DGKZ: variants seen among roughly 807,000 people sequenced by gnomAD.
DGKZ encodes DAG kinase zeta.
A neutral mutation model predicts 142.5 loss-of-function variants in DGKZ; 45 were observed. That is an observed-to-expected ratio of 0.32 (90% confidence interval 0.25 to 0.40). The LOEUF (loss-of-function observed/expected upper bound fraction) is 0.40, where lower values mean the gene tolerates loss of function less well. Among genes scored for constraint, DGKZ ranks in the 10% least tolerant of loss-of-function variants. The pLI is 1.00. For synonymous variants in DGKZ, 442 were observed against 527.0 expected, an observed-to-expected ratio of 0.84 and a Z score of 2.21; for missense variants, 755 against 1,306.5, an observed-to-expected ratio of 0.58 and a Z score of 6.51.
intron 14 of DGKZ, among the ~76,000 whole-genome samples, 184 bp downstream of exon 14, chr11:46,373,285 G>GGT (rs1944170122): frequency 8.7e-6 from 1 of 115,372 alleles, no homozygotes; most frequent in South Asian, 2.8e-4. Flanking sequence ...TTTTTTTTTT[G>GGT]TTTTTTTTTT....
intron 1 of DGKZ, chr11:46,365,764 A>G (rs575578679): frequency 1.0e-6 from 1 of 985,408 alleles, no homozygotes; most frequent in African/African-American, 1.7e-5. Context: ...GTTGGTGGCA[A>G]AACAAAGGCC....
upstream of DGKZ, chr11:46,345,420 C>CG (rs1940516397): frequency 3.5e-6 from 5 of 1,443,870 alleles, no homozygotes; most frequent in South Asian, 5.7e-5. This position sits in a 1 kb window ranked among gnomAD's most constrained non-coding sequence, Gnocchi z 4.1. Flanking sequence ...ATGAGCGCAC[C>CG]GGGGGCTGGC....
rs773296658 is a variant in DGKZ, at chr11:46,372,688, C to T, written c.1071+11C>T. 7.6e-5 allele frequency: 122 copies of T among 1,612,834 alleles called. No homozygotes were observed. Among genetic ancestry groups the T allele is most frequent in the South Asian group, 2.9e-4 (26 of 91,028 alleles). On this transcript the variant is annotated intron_variant, in intron 12 of 30. Coordinates refer to ENST00000527911, the Ensembl canonical transcript of DGKZ. This position sits in a 1 kb window ranked among gnomAD's most constrained non-coding sequence, Gnocchi z 5.9. ...GGGGGCGACGGCACGGTGAGCTCCCCGCATGGGCCAGCCGAGCACCAGGGC... is the reference window on the plus strand; with the variant it reads ...GGGGGCGACGGCACGGTGAGCTCCCTGCATGGGCCAGCCGAGCACCAGGGC...
chr11:46,371,411 CA>C (rs1473303621), intron 7 of DGKZ, 27 bp downstream of exon 7: 11 of 1,612,142 alleles, frequency 6.8e-6, no homozygotes, highest in African/African-American at 2.7e-5. Flanking sequence ...CCCCCAGGGC[CA>C]GGCCCTGCAC....
Position 46,367,090 on chromosome 11 carries a change from C to T in DGKZ, c.162-201C>T. 1 of 1,383,702 alleles carries T rather than the reference C, an allele frequency of 7.2e-7. No individual in the cohort carries two copies. Among genetic ancestry groups the T allele is most frequent in the East Asian group, 2.5e-5 (1 of 40,058 alleles). The allele number at this position is 1,383,702 out of a possible 1,614,324, so 85.7% of individuals were successfully genotyped here. A position where few individuals can be genotyped will look rare whatever the true frequency, so the allele number is the denominator to read the frequency against. The stretch of plus-strand genomic sequence containing the variant: ...TGGCTGAGGGTTCCCCACTTGGGAA[C>T]ACTCTGGGCAGTACCCTGAAGCCAG... On this transcript the variant is annotated intron_variant, in intron 1 of 30. Transcript: ENST00000527911. The surrounding 1 kb of genome is among the most constrained non-coding windows in gnomAD (Gnocchi z 4.1).
intron 1 of DGKZ, among the ~76,000 whole-genome samples, chr11:46,360,373 A>G (rs1942506174): frequency 6.6e-6 from 1 of 151,934 alleles, no homozygotes; most frequent in African/African-American, 2.4e-5. Context: ...TGGGATCTTC[A>G]CCAATTTTGA....
chr11:46,340,247 G>A (rs1047593006), intron 1 of DGKZ, among the ~76,000 whole-genome samples: 3 of 152,202 alleles, frequency 2.0e-5, no homozygotes, highest in African/African-American at 7.2e-5. Flanking sequence ...ATATCTCTGG[G>A]TGTGGTAATA....
At chr11:46,348,285 G>A (rs1432079989) in intron 1 of DGKZ, among the ~76,000 whole-genome samples, 1 of 152,210 alleles carries the variant, frequency 6.6e-6, no homozygotes, top group African/African-American at 2.4e-5. Flanking sequence ...GTGGGACCAG[G>A]TTGCCTACCA....
rs202186891 is a variant in DGKZ at position 46,378,440 on chromosome 11, G to A, written c.2375-17G>A. ...CAGGCCTCCGACTGCAGAGTAACAGGCAGGTATTCCGTGCAGGTGAAGAGC... is the reference window on the plus strand; with the variant it reads ...CAGGCCTCCGACTGCAGAGTAACAGACAGGTATTCCGTGCAGGTGAAGAGC... On this transcript the variant is annotated splice_polypyrimidine_tract_variant and intron_variant, in intron 26 of 30. Transcript: ENST00000527911. 9 of 1,588,114 alleles carry A rather than the reference G, an allele frequency of 5.7e-6. No individual in the cohort carries two copies. The East Asian group carries it at 2.0e-4, about 36-fold the overall frequency.
At chr11:46,354,710 G>A (rs117547245) in intron 1 of DGKZ, among the ~76,000 whole-genome samples, 73 of 152,278 alleles carry the variant, frequency 4.8e-4, no homozygotes, top group Non-Finnish European at 9.8e-4. Context: ...ATGTTCTTGT[G>A]CCTGTTTTTA....
At chr11:46,339,799 A>G (rs1940187550) in intron 1 of DGKZ, among the ~76,000 whole-genome samples, 1 of 152,230 alleles carries the variant, frequency 6.6e-6, no homozygotes, top group Admixed American at 6.5e-5. Flanking sequence ...TTTTTGCCTC[A>G]GTTGGTGCCT....
At chr11:46,380,105 G>A (rs1945052481) in exon 31 of DGKZ, 4 of 746,246 alleles carry the variant, frequency 5.4e-6, no homozygotes, top group South Asian at 1.9e-5. Context: ...CAGACCTAGG[G>A]CTGGACTCAG....
intron 1 of DGKZ, among the ~76,000 whole-genome samples, chr11:46,351,168 C>G (rs980180664): frequency 6.6e-6 from 1 of 152,154 alleles, no homozygotes; most frequent in African/African-American, 2.4e-5. Context: ...CGCTTATCCT[C>G]TGGCCTGGTC....
At chr11:46,375,572 C>T (rs1944434937) in exon 20 of DGKZ, 4 of 1,591,102 alleles carry the variant, frequency 2.5e-6, no homozygotes, top group African/African-American at 1.3e-5. Context: ...TCGCCCTGCG[C>T]AACCAGGCCA....
intron 1 of DGKZ, among the ~76,000 whole-genome samples, chr11:46,348,514 G>A (rs1331200509): frequency 1.3e-5 from 2 of 151,790 alleles, no homozygotes; most frequent in African/African-American, 4.9e-5. Context: ...CCCTCTTCCA[G>A]CCCATGCTGG....
chr11:46,365,818 G>T (rs1281685868), intron 1 of DGKZ: 1 of 985,288 alleles, frequency 1.0e-6, no homozygotes, highest in African/African-American at 1.7e-5. Flanking sequence ...GTCCATCCAG[G>T]CAGACCGACT....
intron 1 of DGKZ, among the ~76,000 whole-genome samples, chr11:46,360,165 TAA>T (rs1453594774): frequency 4.6e-5 from 7 of 152,184 alleles, no homozygotes; most frequent in Non-Finnish European, 1.0e-4. Flanking sequence ...GGCCAGATGT[TAA>T]AGAGATTTGC....
At chr11:46,358,511 G>A (rs2136431180) in intron 1 of DGKZ, among the ~76,000 whole-genome samples, 1 of 152,240 alleles carries the variant, frequency 6.6e-6, no homozygotes, top group Admixed American at 6.5e-5. Flanking sequence ...CATGACATGA[G>A]CTTGTCATTT....
chr11:46,347,886 C>T lies in DGKZ; in HGVS notation c.161+66C>T, dbSNP rs1398988436. On this transcript the variant is annotated intron_variant, in intron 1 of 30. Coordinates refer to ENST00000527911, the Ensembl canonical transcript of DGKZ. The surrounding 1 kb of genome is among the most constrained non-coding windows in gnomAD (Gnocchi z 6.4). ...AGGTTACCGCTCCCTCACCGGGGGA[C>T]ATTCCTCGGCCACTGGGGGTCCGGG... 2 of 1,265,794 alleles carry T rather than the reference C, an allele frequency of 1.6e-6. No homozygotes were observed. The highest frequency in any genetic ancestry group is 1.6e-5 in the African/African-American group (1 of 64,314). 78.4% of individuals were successfully genotyped at this position (1,265,794 alleles called of 1,614,324 possible). A position where few individuals can be genotyped will look rare whatever the true frequency, so the allele number is the denominator to read the frequency against.
Sources: allele counts gnomAD v4.1 joint callset (sites outside exome capture counted in the v4.1 genomes callset), GRCh38; gene constraint gnomAD v4.1.1; non-coding constraint Gnocchi (gnomAD v3.1); transcripts MANE v1.5; gene names NCBI Gene and HGNC (gene_info 2026-07-23, HGNC 2026-07-21).